Variants in CDKAL1 observed in about 807,000 individuals in gnomAD.
CDKAL1 encodes the protein CDKAL1 threonylcarbamoyladenosine tRNA methylthiotransferase, also known as threonylcarbamoyladenosine tRNA methylthiotransferase.
In CDKAL1, 32 loss-of-function variants were observed where a neutral mutation model predicts 68.2. That is an observed-to-expected ratio of 0.47 (90% confidence interval 0.35 to 0.63). The LOEUF is 0.63. CDKAL1 is among the 30% of genes least tolerant of loss of function. The pLI is 0.00. For missense variants in CDKAL1, 606 were observed against 696.7 expected, an observed-to-expected ratio of 0.87 and a Z score of 1.47; for synonymous variants, 234 against 244.3, an observed-to-expected ratio of 0.96 and a Z score of 0.39.
chr6:20,673,297 C>T (rs965276778), intron 5 of CDKAL1, among the ~76,000 whole-genome samples: 1 of 152,146 alleles, frequency 6.6e-6, no homozygotes, highest in Non-Finnish European at 1.5e-5. Context: ...CCAAGATCTG[C>T]CATTGCTCAA....
chr6:21,108,346 T>C (rs1303848559), intron 12 of CDKAL1, 55 bp from the exon 13 acceptor site: 1 of 1,177,130 alleles, frequency 8.5e-7, no homozygotes, highest in Non-Finnish European at 1.3e-6. Flanking sequence ...TTTTATCTGC[T>C]GTCAACTCAA....
chr6:20,764,270 G>A (rs546248667), intron 7 of CDKAL1, among the ~76,000 whole-genome samples: 3 of 152,180 alleles, frequency 2.0e-5, no homozygotes, highest in East Asian at 1.9e-4. Context: ...TTACCATTAC[G>A]TCATGTTTCT....
At chr6:20,663,171 C>T (rs1769367788) in intron 5 of CDKAL1, among the ~76,000 whole-genome samples, 1 of 152,040 alleles carries the variant, frequency 6.6e-6, no homozygotes, top group Non-Finnish European at 1.5e-5. Context: ...GCTTGCATCT[C>T]ATTGTGTGGA....
At position 20,756,438 on chromosome 6, in the gene CDKAL1, C is replaced by G. The variant is rs140499439; in HGVS notation, c.469-2157C>G. ...AAACATATTCATTTTAGTCTGTATA[C>G]TTATGTCTCTGTAGTATTTGACACT... On this transcript the variant is annotated intron_variant, in intron 6 of 15. Transcript: ENST00000274695. Among the ~76,000 whole-genome samples the G allele has an allele frequency of 1.4e-3, 210 of 152,268 alleles. 1 individual carries two copies. Among genetic ancestry groups the G allele is most frequent in the African/African-American group, 4.9e-3 (204 of 41,544 alleles).
intron 5 of CDKAL1, among the ~76,000 whole-genome samples, chr6:20,671,578 T>C (rs1357828221): frequency 1.3e-5 from 2 of 152,216 alleles, no homozygotes; most frequent in Non-Finnish European, 2.9e-5. Flanking sequence ...ACTTGTCACT[T>C]ACATAGTGAC....
intron 5 of CDKAL1, among the ~76,000 whole-genome samples, chr6:20,734,416 G>A (rs1018790678): frequency 2.6e-5 from 4 of 151,904 alleles, no homozygotes; most frequent in African/African-American, 9.7e-5. Context: ...TTTTCTTCAG[G>A]TATTATTCTT....
At chr6:21,194,763 TCCTTTGCAACCAAGG>T (rs1468913386) in intron 13 of CDKAL1, among the ~76,000 whole-genome samples, 1 of 152,218 alleles carries the variant, frequency 6.6e-6, no homozygotes, top group Non-Finnish European at 1.5e-5. Flanking sequence ...GCCCACAAGT[TCCTTTGCAACCAAGG>T]TGAAGTTGCA....
At chr6:21,054,787 G>T (rs969562828) in intron 11 of CDKAL1, among the ~76,000 whole-genome samples, 1 of 151,550 alleles carries the variant, frequency 6.6e-6, no homozygotes. Context: ...TATAAAAAAT[G>T]TAATTGATTT....
chr6:20,894,058 A>G (rs1296594790), intron 9 of CDKAL1, among the ~76,000 whole-genome samples: 1 of 152,222 alleles, frequency 6.6e-6, no homozygotes, highest in Non-Finnish European at 1.5e-5. Flanking sequence ...TGTGCTGAGT[A>G]CATTTTAATC....
In CDKAL1 at chr6:20,583,572, T is replaced by G. The variant is rs796694639; in HGVS notation, c.286+34867T>G. On this transcript the variant is annotated intron_variant, in intron 4 of 15. Transcript: ENST00000274695. ...ACGGAACAAAAACATTTAGTGGGAG[T>G]GGTGGTAGAACGTTTCCAGGATCAA... Among the ~76,000 whole-genome samples, 118 of 151,596 alleles carry G rather than the reference T, an allele frequency of 7.8e-4. 1 individual carries two copies. Among genetic ancestry groups the G allele is most frequent in the African/African-American group, 2.7e-3 (113 of 41,296 alleles).
intron 9 of CDKAL1, among the ~76,000 whole-genome samples, chr6:20,954,653 C>T (rs1393200625): frequency 6.6e-6 from 1 of 151,712 alleles, no homozygotes; most frequent in South Asian, 2.1e-4. Context: ...TTTTAAATAA[C>T]ATGAGGGGGA....
intron 4 of CDKAL1, among the ~76,000 whole-genome samples, chr6:20,598,243 G>A (rs1765926470): frequency 6.6e-6 from 1 of 152,198 alleles, no homozygotes; most frequent in South Asian, 2.1e-4. Flanking sequence ...TCTTATATTT[G>A]TGATGGTTAT....
rs76668865 is a variant in CDKAL1, at chr6:20,893,167, A to G, written c.742+46989A>G. Among the ~76,000 whole-genome samples, 602 of 152,308 alleles carry G rather than the reference A, an allele frequency of 4.0e-3. 8 individuals carry two copies. The highest frequency in any genetic ancestry group is 0.013 in the African/African-American group (554 of 41,566). The stretch of plus-strand genomic sequence containing the variant: ...TAGCTGGTATTTTTGACTTGGCATC[A>G]CAAAAGAAGCGCATTAGAACATCTT... On this transcript the variant is annotated intron_variant, in intron 9 of 15. Transcript: ENST00000274695.
intron 12 of CDKAL1, among the ~76,000 whole-genome samples, chr6:21,106,034 G>T (rs1390952283): frequency 6.6e-6 from 1 of 152,198 alleles, no homozygotes; most frequent in Non-Finnish European, 1.5e-5. Flanking sequence ...ACAAATTGAT[G>T]CAATATTTGT....
chr6:21,197,167 AAATAAT>A lies in CDKAL1; in HGVS notation c.1300-840_1300-835del, dbSNP rs1554195096. On this transcript the variant is annotated intron_variant, in intron 13 of 15. Coordinates refer to ENST00000274695, the MANE Select transcript of CDKAL1 (RefSeq NM_017774.3). ...AGTGAGACTCTGTCTCAAAAAAAAAAAATAATAATAATAATAATACTTGATACCTTA... is the reference window on the plus strand; with the variant it reads ...AGTGAGACTCTGTCTCAAAAAAAAAAAATAATAATAATACTTGATACCTTA... 5.7e-4 allele frequency among the ~76,000 whole-genome samples: 86 copies of A among 150,704 alleles called. 2 individuals carry two copies. The East Asian group carries it at 7.9e-3, about 14-fold the overall frequency.
At chr6:20,551,919 G>A (rs1048583826) in intron 4 of CDKAL1, among the ~76,000 whole-genome samples, 3 of 151,658 alleles carry the variant, frequency 2.0e-5, no homozygotes, top group Non-Finnish European at 4.4e-5. Context: ...TTTTGAGACA[G>A]GTCTCACTAT....
In CDKAL1 at chr6:21,098,258, C is replaced by T. The variant is rs116441381; in HGVS notation, c.1237-10143C>T. ...AATAGAAACAGCAATTGAATATCTACTTACAGAGGAATGACCAAGTAGTGC... is the reference window on the plus strand; with the variant it reads ...AATAGAAACAGCAATTGAATATCTATTTACAGAGGAATGACCAAGTAGTGC... On this transcript the variant is annotated intron_variant, in intron 12 of 15. Coordinates refer to ENST00000274695, the MANE Select transcript of CDKAL1 (RefSeq NM_017774.3). 3.8e-3 allele frequency among the ~76,000 whole-genome samples: 576 copies of T among 152,298 alleles called. 5 individuals are homozygous for T. Among genetic ancestry groups the T allele is most frequent in the African/African-American group, 0.013 (553 of 41,564 alleles).
At chr6:20,874,399 G>T (rs1442094348) in intron 9 of CDKAL1, among the ~76,000 whole-genome samples, 1 of 151,966 alleles carries the variant, frequency 6.6e-6, no homozygotes, top group African/African-American at 2.4e-5. Context: ...CGCCTCCTGG[G>T]TTCAGGCGAT....
chr6:20,802,170 C>T lies in CDKAL1; in HGVS notation c.638+20905C>T, dbSNP rs187649542. On this transcript the variant is annotated intron_variant, in intron 8 of 15. Transcript: ENST00000274695. ...AAAATTAGCTGGGTATGTTGGTGCA[C>T]GCCTGTAGTCCCAGCTACTCGGGAG... Among the ~76,000 whole-genome samples the T allele has an allele frequency of 1.1e-3, 166 of 151,806 alleles. No individual in the cohort carries two copies. In the East Asian group the frequency reaches 0.024, roughly 22 times the overall value.
Sources: gnomAD v4.1 joint callset for allele counts (sites outside exome capture counted in the v4.1 genomes callset) on GRCh38, gnomAD v4.1.1 for gene constraint, MANE v1.5 for transcripts, NCBI Gene and HGNC (gene_info 2026-07-23, HGNC 2026-07-21) for gene names.